Variants in SLIT3 observed in about 807,000 individuals in gnomAD.
SLIT3 encodes slit homolog 3 protein.
In SLIT3, 68 loss-of-function variants were observed where a neutral mutation model predicts 184.0. That is an observed-to-expected ratio of 0.37 (90% CI 0.30 to 0.45). The LOEUF (loss-of-function observed/expected upper bound fraction) is 0.45. Among genes scored for constraint, SLIT3 ranks in the 20% least tolerant of loss-of-function variants. The pLI, the probability that SLIT3 is intolerant of heterozygous loss-of-function variation, is 1.00. For missense variants in SLIT3, 1,707 were observed against 2,026.0 expected (o/e 0.84, Z 3.02); for synonymous variants, 831 against 828.6 (o/e 1.00, Z -0.05).
intron 12 of SLIT3, among the ~76,000 whole-genome samples, chr5:168,785,405 T>G (rs939356401): frequency 1.3e-5 from 2 of 152,202 alleles, no homozygotes; most frequent in African/African-American, 4.8e-5. Context: ...TAAACACTCC[T>G]CTCCACCCTG....
In SLIT3 at chr5:168,691,789, GA is replaced by G. The variant is rs373486151; in HGVS notation, c.3176+817del. 1.4e-3 allele frequency among the ~76,000 whole-genome samples: 206 copies of G among 152,312 alleles called. 2 individuals carry two copies. Among genetic ancestry groups the G allele is most frequent in the African/African-American group, 4.8e-3 (201 of 41,558 alleles). The stretch of plus-strand genomic sequence containing the variant: ...TAGAAGGCAGCACTGGGGTTGGGAA[GA>G]ATGTTTTTGGCCACAGAGTTCTGGG... On this transcript the variant is annotated intron_variant, in intron 29 of 35. Transcript: ENST00000519560.
intron 6 of SLIT3, among the ~76,000 whole-genome samples, chr5:168,825,656 C>G (rs1757674641): frequency 1.3e-5 from 2 of 152,128 alleles, no homozygotes; most frequent in African/African-American, 2.4e-5. Flanking sequence ...GGCTTCTTTT[C>G]TGTGTGTGTG....
chr5:168,820,971 A>G (rs1314113393), intron 7 of SLIT3, among the ~76,000 whole-genome samples: 1 of 151,710 alleles, frequency 6.6e-6, no homozygotes, highest in Non-Finnish European at 1.5e-5. Context: ...AACCCCATAC[A>G]CACTTTAATT....
chr5:168,678,282 GCTTTTTACCAGCATC>G (rs1761473759), intron 32 of SLIT3, among the ~76,000 whole-genome samples: 1 of 152,130 alleles, frequency 6.6e-6, no homozygotes, highest in South Asian at 2.1e-4. Flanking sequence ...AAAGGCTCTG[GCTTTTTACCAGCATC>G]CCTAAGTCAG....
intron 19 of SLIT3, 143 bp downstream of exon 19, chr5:168,749,329 A>C: frequency 1.1e-6 from 1 of 888,268 alleles, no homozygotes. Context: ...CTAGTAGCAG[A>C]TCTGCAGAGC....
intron 6 of SLIT3, among the ~76,000 whole-genome samples, chr5:168,840,539 G>A (rs62378537): frequency 0.013 from 1,975 of 151,912 alleles, 21 homozygotes; most frequent in South Asian, 0.022. Context: ...GCTGGTATGG[G>A]CTAGAAACCC....
chr5:168,707,837 G>A (rs751925785), intron 26 of SLIT3, 139 bp downstream of exon 26: 8 of 990,958 alleles, frequency 8.1e-6, no homozygotes, highest in Non-Finnish European at 1.2e-5. Context: ...CTGCTTTGGA[G>A]TGGTGACCTG....
intron 4 of SLIT3, among the ~76,000 whole-genome samples, chr5:168,989,867 G>A (rs1358151969): frequency 6.6e-6 from 1 of 152,184 alleles, no homozygotes; most frequent in Non-Finnish European, 1.5e-5. Flanking sequence ...CAAAGTGAAG[G>A]GGCCAGGTTG....
At chr5:168,953,090 C>T (rs532899607) in intron 4 of SLIT3, among the ~76,000 whole-genome samples, 29 of 152,304 alleles carry the variant, frequency 1.9e-4, no homozygotes, top group South Asian at 1.2e-3. Flanking sequence ...TCCGGCTAAA[C>T]AGGCTTAGTA....
intron 4 of SLIT3, among the ~76,000 whole-genome samples, chr5:169,112,386 C>T (rs1760444452): frequency 6.6e-6 from 1 of 152,146 alleles, no homozygotes; most frequent in Non-Finnish European, 1.5e-5. Context: ...TGGGTACGTT[C>T]CTTAATTAAG....
rs887881979 is a variant in SLIT3 at position 168,765,622 on chromosome 5, T to C, written c.1460-2933A>G. Among the ~76,000 whole-genome samples, 8 of 152,318 alleles carry C rather than the reference T, an allele frequency of 5.3e-5. No individual in the cohort carries two copies. The East Asian group carries it at 1.3e-3, about 26-fold the overall frequency. On this transcript the variant is annotated intron_variant, in intron 14 of 35. Transcript: ENST00000519560. ...TAACTACCCCAAAGTATTTTTAACT[T>C]TTCCAGAGCTTTAAAAGTCAATTTC...
intron 4 of SLIT3, among the ~76,000 whole-genome samples, chr5:169,141,734 G>C (rs1389605243): frequency 8.3e-6 from 1 of 120,752 alleles, no homozygotes; most frequent in South Asian, 2.8e-4. Context: ...GTGAGACTCT[G>C]TCTCAAAAAA....
At chr5:169,194,233 CAAAAAAAAAAAAAAAAA>C (rs10571842) in intron 3 of SLIT3, among the ~76,000 whole-genome samples, 11 of 61,384 alleles carry the variant, frequency 1.8e-4, no homozygotes, top group African/African-American at 6.4e-4. Flanking sequence ...GACTCTGTCT[CAAAAAAAAAAAAAAAAA>C]AAAAAAAAAA....
chr5:168,872,534 TC>T (rs1480430751), intron 5 of SLIT3, among the ~76,000 whole-genome samples: 1 of 152,070 alleles, frequency 6.6e-6, no homozygotes, highest in Non-Finnish European at 1.5e-5. Flanking sequence ...TCCACTCAAT[TC>T]TTCTGTAAAC....
At chr5:168,782,497 C>T (rs1756010115) in intron 12 of SLIT3, among the ~76,000 whole-genome samples, 1 of 152,254 alleles carries the variant, frequency 6.6e-6, no homozygotes, top group African/African-American at 2.4e-5. Context: ...GCTGGCTGCC[C>T]ATAGAGGATC....
intron 3 of SLIT3, among the ~76,000 whole-genome samples, chr5:169,201,307 C>CAGTTT (rs1763897953): frequency 2.6e-5 from 4 of 152,116 alleles, no homozygotes; most frequent in African/African-American, 9.7e-5. Context: ...GATCCCTAAG[C>CAGTTT]AGTTTTTTTT....
intron 4 of SLIT3, among the ~76,000 whole-genome samples, chr5:168,928,445 G>A (rs921370850): frequency 3.9e-5 from 6 of 152,162 alleles, no homozygotes; most frequent in East Asian, 1.9e-4. Flanking sequence ...CACACTCCTC[G>A]GGTGTCCCTT....
intron 5 of SLIT3, among the ~76,000 whole-genome samples, chr5:168,845,101 T>C (rs942613197): frequency 2.0e-5 from 3 of 152,132 alleles, no homozygotes; most frequent in Non-Finnish European, 4.4e-5. Context: ...TCCCTTTTAC[T>C]GGAAGTTGCA....
intron 4 of SLIT3, among the ~76,000 whole-genome samples, chr5:169,002,235 A>G (rs992741828): frequency 6.8e-6 from 1 of 147,842 alleles, no homozygotes; most frequent in Non-Finnish European, 1.5e-5. Context: ...AGGCAGAAGA[A>G]TCACTTGAAC....
Sources: allele counts gnomAD v4.1 joint callset (sites outside exome capture counted in the v4.1 genomes callset), GRCh38; gene constraint gnomAD v4.1.1; transcripts MANE v1.5; gene names NCBI Gene and HGNC (gene_info 2026-07-23, HGNC 2026-07-21).